The following PRKCA variants were observed in gnomAD, a reference collection of about 807,000 sequenced individuals.
The protein encoded by PRKCA is protein kinase C alpha type.
In PRKCA, 27 loss-of-function variants were observed where a neutral mutation model predicts 87.0. The ratio of observed to expected loss-of-function variants is 0.31; its 90% CI spans 0.23 to 0.43. PRKCA has a LOEUF of 0.43. PRKCA is among the 20% of genes least tolerant of loss of function. The pLI is 1.00. For synonymous variants in PRKCA, 329 were observed against 311.1 expected, an observed-to-expected ratio of 1.06 and a Z score of -0.61; for missense variants, 518 against 852.3, an observed-to-expected ratio of 0.61 and a Z score of 4.88.
chr17:66,528,760 T>G (rs1247323423), intron 3 of PRKCA, among the ~76,000 whole-genome samples: 1 of 152,206 alleles, frequency 6.6e-6, no homozygotes, highest in Non-Finnish European at 1.5e-5. Context: ...AAAACTAATA[T>G]GGCACATAAG....
At chr17:66,449,496 A>G (rs1914204588) in intron 2 of PRKCA, among the ~76,000 whole-genome samples, 2 of 152,200 alleles carry the variant, frequency 1.3e-5, no homozygotes, top group Non-Finnish European at 2.9e-5. Context: ...CTCGCTGCCC[A>G]ACCAGTAGTA....
chr17:66,724,900 A>T lies in PRKCA; in HGVS notation c.919-7788A>T, dbSNP rs528392849. On this transcript the variant is annotated intron_variant, in intron 8 of 16. Transcript: ENST00000413366. ...GGGCAGGTCTCTTAATTCTGCTGGG[A>T]GGCCAGTTGCCAAACAATACATTAA... 9.2e-5 allele frequency among the ~76,000 whole-genome samples: 14 copies of T among 152,354 alleles called. No individual in the cohort carries two copies. In the South Asian group the frequency reaches 1.0e-3, roughly 11 times the overall value.
intron 3 of PRKCA, among the ~76,000 whole-genome samples, chr17:66,522,287 T>G (rs1430551345): frequency 6.6e-6 from 1 of 152,214 alleles, no homozygotes; most frequent in Non-Finnish European, 1.5e-5. Flanking sequence ...AGAACACCAG[T>G]GTTTTATAAT....
At chr17:66,453,499 A>G (rs1205352296) in intron 2 of PRKCA, among the ~76,000 whole-genome samples, 1 of 151,866 alleles carries the variant, frequency 6.6e-6, no homozygotes, top group Non-Finnish European at 1.5e-5. Flanking sequence ...TTGTGTTTTC[A>G]GTAGAAACGT....
intron 3 of PRKCA, among the ~76,000 whole-genome samples, chr17:66,595,963 G>A (rs1969961626): frequency 6.6e-6 from 1 of 152,222 alleles, no homozygotes; most frequent in Non-Finnish European, 1.5e-5. Context: ...ATTTTTCGCA[G>A]TTGGAAAATC....
At chr17:66,660,090 C>T (rs907852946) in intron 5 of PRKCA, among the ~76,000 whole-genome samples, 7 of 151,078 alleles carry the variant, frequency 4.6e-5, no homozygotes, top group South Asian at 2.1e-4. Flanking sequence ...GTTAAGGAGG[C>T]GAAGCTTTGT....
At chr17:66,417,320 AAT>A (rs1170423060) in intron 2 of PRKCA, among the ~76,000 whole-genome samples, 2 of 152,096 alleles carry the variant, frequency 1.3e-5, no homozygotes, top group Non-Finnish European at 2.9e-5. Flanking sequence ...CAGGTGCCCT[AAT>A]ACCACAAAAC....
intron 14 of PRKCA, among the ~76,000 whole-genome samples, chr17:66,786,204 G>A (rs1384234954): frequency 1.3e-5 from 2 of 152,310 alleles, no homozygotes; most frequent in African/African-American, 4.8e-5. Context: ...CTAGAATTCT[G>A]GTCCAGATCC....
intron 2 of PRKCA, among the ~76,000 whole-genome samples, chr17:66,360,257 A>C (rs963687504): frequency 2.0e-5 from 3 of 152,094 alleles, no homozygotes; most frequent in African/African-American, 7.2e-5. Context: ...ACCCTTTCAC[A>C]TTGGCTGAGG....
At chr17:66,639,920 G>GTCCA (rs1971245809) in intron 3 of PRKCA, among the ~76,000 whole-genome samples, 1 of 152,058 alleles carries the variant, frequency 6.6e-6, no homozygotes, top group African/African-American at 2.4e-5. Context: ...GCTTGAACCT[G>GTCCA]GGAGGCAGAG....
At chr17:66,763,887 A>G (rs1974739640) in intron 13 of PRKCA, among the ~76,000 whole-genome samples, 1 of 152,214 alleles carries the variant, frequency 6.6e-6, no homozygotes, top group African/African-American at 2.4e-5. Context: ...TAGAGCCAAG[A>G]GCTCCTGAGT....
At chr17:66,331,864 A>G (rs1906345279) in intron 2 of PRKCA, among the ~76,000 whole-genome samples, 1 of 152,244 alleles carries the variant, frequency 6.6e-6, no homozygotes, top group African/African-American at 2.4e-5. Flanking sequence ...TGTTGCTAGC[A>G]TAACCTCTTG....
chr17:66,558,358 C>T (rs930296665), intron 3 of PRKCA, among the ~76,000 whole-genome samples: 3 of 151,990 alleles, frequency 2.0e-5, no homozygotes, highest in Non-Finnish European at 4.4e-5. Flanking sequence ...AGGCGAAAAA[C>T]AAGGAGTACT....
intron 3 of PRKCA, among the ~76,000 whole-genome samples, chr17:66,555,794 T>C (rs1481725166): frequency 6.6e-6 from 1 of 152,176 alleles, no homozygotes; most frequent in African/African-American, 2.4e-5. Context: ...TTAGTTTCCA[T>C]AGCAATTTTA....
At chr17:66,786,100 T>C (rs576574108) in intron 14 of PRKCA, among the ~76,000 whole-genome samples, 3 of 152,310 alleles carry the variant, frequency 2.0e-5, no homozygotes, top group African/African-American at 7.2e-5. Context: ...AGTGCTGGGA[T>C]TACAGGCGTG....
At chr17:66,427,295 G>T (rs1438228493) in intron 2 of PRKCA, among the ~76,000 whole-genome samples, 2 of 152,238 alleles carry the variant, frequency 1.3e-5, no homozygotes, top group African/African-American at 4.8e-5. Context: ...GCCTCCCAAA[G>T]TGCTGGGATC....
At chr17:66,378,806 C>T (rs1909623828) in intron 2 of PRKCA, among the ~76,000 whole-genome samples, 1 of 150,538 alleles carries the variant, frequency 6.6e-6, no homozygotes, top group Non-Finnish European at 1.5e-5. Context: ...GAGGGTGAGG[C>T]AGGAGAAATG....
intron 5 of PRKCA, among the ~76,000 whole-genome samples, chr17:66,678,642 G>T (rs980588708): frequency 6.0e-5 from 9 of 150,360 alleles, no homozygotes; most frequent in Admixed American, 5.9e-4. Flanking sequence ...CTCCTGCATA[G>T]GGCTAAACAG....
intron 3 of PRKCA, among the ~76,000 whole-genome samples, chr17:66,575,578 T>A: frequency 6.6e-6 from 1 of 152,054 alleles, no homozygotes; most frequent in Non-Finnish European, 1.5e-5. Context: ...GAAACTGTCT[T>A]AAAAAAATAA....
Sources: allele counts gnomAD v4.1 joint callset (sites outside exome capture counted in the v4.1 genomes callset), GRCh38; gene constraint gnomAD v4.1.1; transcripts MANE v1.5; gene names NCBI Gene and HGNC (gene_info 2026-07-23, HGNC 2026-07-21).